The following RPAP3 variants were observed in gnomAD, a reference collection of about 807,000 sequenced individuals.
The protein encoded by RPAP3 is RNA polymerase II associated protein 3.
RPAP3 carries 58 observed loss-of-function variants against 88.8 expected under a neutral mutation model. The ratio of observed to expected loss-of-function variants is 0.65; its 90% CI spans 0.53 to 0.81. The LOEUF (loss-of-function observed/expected upper bound fraction) is 0.81, where lower values mean the gene tolerates loss of function less well. Among genes scored for constraint, RPAP3 ranks in the 40% least tolerant of loss-of-function variants. RPAP3 has a pLI of 0.00. For synonymous variants in RPAP3, 255 were observed against 259.9 expected (o/e 0.98, Z 0.18); for missense variants, 751 against 764.3 (o/e 0.98, Z 0.20).
intron 13 of RPAP3, 145 bp downstream of exon 13, chr12:47,669,958 GTACA>G: frequency 5.2e-6 from 3 of 576,498 alleles, no homozygotes. Context: ...CTTACAATAA[GTACA>G]AACAAAAAAG....
At position 47,664,322 on chromosome 12, in the gene RPAP3, G is replaced by A. The variant is rs1418943160; in HGVS notation, c.1913-732C>T. Reference sequence around the variant, plus strand: ...GGAGAATGGCGTGAACCCAGGAGGCGGAGCTTGCAGTGAGCTGAGATCGAG... The same window carrying A: ...GGAGAATGGCGTGAACCCAGGAGGCAGAGCTTGCAGTGAGCTGAGATCGAG... On this transcript the variant is annotated intron_variant, in intron 16 of 16. Coordinates refer to ENST00000005386, the MANE Select transcript of RPAP3 (RefSeq NM_024604.3). Among the ~76,000 whole-genome samples, 5 of 152,230 alleles carry A rather than the reference G, an allele frequency of 3.3e-5. No homozygotes were observed. The South Asian group carries it at 6.2e-4, about 19-fold the overall frequency.
At chr12:47,674,084 TAAAAAAAAA>T (rs34101861) in intron 12 of RPAP3, among the ~76,000 whole-genome samples, 1 of 123,338 alleles carries the variant, frequency 8.1e-6, no homozygotes, top group Admixed American at 8.4e-5. Flanking sequence ...TTAAAGATTC[TAAAAAAAAA>T]AAAAAAAAAA....
intron 16 of RPAP3, 52 bp from the exon 17 acceptor site, chr12:47,663,642 G>A (rs762922536): frequency 9.1e-7 from 1 of 1,104,372 alleles, no homozygotes; most frequent in South Asian, 1.5e-5. Flanking sequence ...TAAAAACCAA[G>A]CAAAATGTAA....
chr12:47,701,049 C>T (rs559664334), intron 3 of RPAP3: 1 of 152,576 alleles, frequency 6.6e-6, no homozygotes, highest in South Asian at 2.1e-4. Context: ...TTATCCAAAC[C>T]TACACATGGG....
At chr12:47,667,220 AAATG>A in intron 15 of RPAP3, 140 bp from the exon 16 acceptor site, 1 of 374,014 alleles carries the variant, frequency 2.7e-6, no homozygotes, top group East Asian at 4.2e-5. Context: ...TTAAATGCCC[AAATG>A]AAGAGATTTA....
chr12:47,674,713 A>G (rs1939073185), intron 12 of RPAP3, among the ~76,000 whole-genome samples: 1 of 79,380 alleles, frequency 1.3e-5, no homozygotes, highest in African/African-American at 3.2e-5. Flanking sequence ...GAGTAAAAGA[A>G]ACAAACAAAG....
At chr12:47,687,827 A>G (rs751456673) in intron 8 of RPAP3, 49 bp downstream of exon 8, 1 of 1,567,168 alleles carries the variant, frequency 6.4e-7, no homozygotes, top group Non-Finnish European at 8.6e-7. Flanking sequence ...GAAATAAATC[A>G]ACACTCAGCA....
At chr12:47,680,858 A>G (rs891509082) in intron 10 of RPAP3, among the ~76,000 whole-genome samples, 1 of 151,934 alleles carries the variant, frequency 6.6e-6, no homozygotes, top group African/African-American at 2.4e-5. Flanking sequence ...AAAAAAATCA[A>G]TCACTAACAG....
chr12:47,666,463 T>C (rs547042104), intron 16 of RPAP3, among the ~76,000 whole-genome samples: 115 of 152,336 alleles, frequency 7.5e-4, no homozygotes, highest in African/African-American at 2.7e-3. Flanking sequence ...TTGCACTTCT[T>C]TGAGAATTCA....
intron 1 of RPAP3, among the ~76,000 whole-genome samples, chr12:47,704,391 CAG>C (rs1352676509): frequency 3.3e-5 from 5 of 152,090 alleles, no homozygotes; most frequent in Middle Eastern, 3.4e-3. Context: ...TTTCTTGAGA[CAG>C]AGTCTTGCTC....
Position 47,663,619 on chromosome 12 carries a change from TA to T in RPAP3, c.1913-30del, listed in dbSNP as rs765598003. 32 of 1,357,818 alleles carry T rather than the reference TA, an allele frequency of 2.4e-5. No homozygotes were observed. In the African/African-American group the frequency reaches 4.0e-4, roughly 17 times the overall value. The allele number at this position is 1,357,818 out of a possible 1,614,324, so 84.1% of individuals were successfully genotyped here. A position where few individuals can be genotyped will look rare whatever the true frequency, so the allele number is the denominator to read the frequency against. On this transcript the variant is annotated intron_variant, in intron 16 of 16. Transcript: ENST00000005386. ...AAAAAGAAAAAGAAATTCTCCATTT[TA>T]ATCTCATTTTTTAAAAACCAAGCAA...
intron 5 of RPAP3, among the ~76,000 whole-genome samples, chr12:47,691,152 T>C (rs940888853): frequency 6.6e-6 from 1 of 152,200 alleles, no homozygotes; most frequent in African/African-American, 2.4e-5. Context: ...CTTCTTTCAA[T>C]ATTGGAGTCA....
intron 16 of RPAP3, among the ~76,000 whole-genome samples, chr12:47,664,115 C>T (rs373058355): frequency 2.6e-5 from 4 of 152,248 alleles, no homozygotes; most frequent in East Asian, 3.9e-4. Context: ...ATGGGCCAGG[C>T]GTGGTGGTTC....
At chr12:47,703,906 GACCCCGGTAAGATT>G (rs1198799422) in intron 1 of RPAP3, among the ~76,000 whole-genome samples, 2 of 152,152 alleles carry the variant, frequency 1.3e-5, no homozygotes, top group Non-Finnish European at 2.9e-5. Context: ...TCTGGCTTGG[GACCCCGGTAAGATT>G]ACTGATGCCA....
intron 1 of RPAP3, among the ~76,000 whole-genome samples, 167 bp from the exon 2 acceptor site, chr12:47,703,013 T>C (rs1402042574): frequency 6.6e-6 from 1 of 152,190 alleles, no homozygotes; most frequent in Non-Finnish European, 1.5e-5. Flanking sequence ...ATTTTAAAAA[T>C]AAATCAGTTG....
At chr12:47,675,161 A>G (rs1939085156) in intron 12 of RPAP3, among the ~76,000 whole-genome samples, 1 of 152,196 alleles carries the variant, frequency 6.6e-6, no homozygotes, top group South Asian at 2.1e-4. Flanking sequence ...TTCCTAAGTG[A>G]AGGAGAAATA....
chr12:47,678,410 A>C (rs1218353287), intron 12 of RPAP3, among the ~76,000 whole-genome samples: 1 of 152,242 alleles, frequency 6.6e-6, no homozygotes, highest in Non-Finnish European at 1.5e-5. Flanking sequence ...GGATCTAATT[A>C]AACTAAAGAG....
intron 11 of RPAP3, 25 bp downstream of exon 11, chr12:47,679,679 T>C (rs199761610): frequency 6.4e-7 from 1 of 1,562,140 alleles, no homozygotes; most frequent in African/African-American, 1.4e-5. Flanking sequence ...AATATGACCA[T>C]GTTTGGGTGA....
intron 4 of RPAP3, among the ~76,000 whole-genome samples, chr12:47,696,991 T>A (rs1232684150): frequency 2.0e-5 from 3 of 152,066 alleles, no homozygotes; most frequent in African/African-American, 7.2e-5. Context: ...GGCAGAAAAA[T>A]GAGTAAAATA....
Sources: gnomAD v4.1 joint callset for allele counts (sites outside exome capture counted in the v4.1 genomes callset) on GRCh38, gnomAD v4.1.1 for gene constraint, MANE v1.5 for transcripts, NCBI Gene and HGNC (gene_info 2026-07-23, HGNC 2026-07-21) for gene names.